SPATS2L: variants seen among roughly 807,000 people sequenced by gnomAD.
The protein encoded by SPATS2L is SPATS2-like protein.
A neutral mutation model predicts 59.6 loss-of-function variants in SPATS2L; 30 were observed. The observed-to-expected ratio is 0.50, with a 90% CI of 0.38 to 0.68. SPATS2L has a LOEUF of 0.68. SPATS2L is among the 30% of genes least tolerant of loss of function. SPATS2L has a pLI of 0.00. For missense variants in SPATS2L, 615 were observed against 700.0 expected (o/e 0.88, Z 1.37); for synonymous variants, 252 against 263.5 (o/e 0.96, Z 0.42).
At chr2:200,409,237 T>G (rs1163601809) in intron 3 of SPATS2L, among the ~76,000 whole-genome samples, 1 of 152,242 alleles carries the variant, frequency 6.6e-6, no homozygotes, top group Non-Finnish European at 1.5e-5. Context: ...ATTGATCCAT[T>G]CCTTCCAGGA....
Position 200,306,934 on chromosome 2 carries a change from A to ACC in SPATS2L, c.-73+16_-73+17dup. On this transcript the variant is annotated intron_variant, in intron 1 of 12. Coordinates refer to ENST00000409140, the MANE Select transcript of SPATS2L (RefSeq NM_001100423.2). ...CGCTCGACACAGAGGTAAGCCCAGG[A>ACC]CCCCCTCCACGCCGGGCCGGCTGGG... 1 of 981,338 alleles carries ACC rather than the reference A, an allele frequency of 1.0e-6. No individual in the cohort carries two copies. The highest frequency in any genetic ancestry group is 1.2e-6 in the Non-Finnish European group (1 of 828,528). The allele number at this position is 981,338 out of a possible 1,614,324, so 60.8% of individuals were successfully genotyped here.
chr2:200,384,862 A>G lies in SPATS2L; in HGVS notation c.-22-4361A>G, dbSNP rs111554655. On this transcript the variant is annotated intron_variant, in intron 2 of 12. Transcript: ENST00000409140. ...AAATCTAAATTGCAATTTTTAGGAAAAAAGTTTTAAAAAATGTCTAAGCTA... is the reference window on the plus strand; with the variant it reads ...AAATCTAAATTGCAATTTTTAGGAAGAAAGTTTTAAAAAATGTCTAAGCTA... 5.9e-3 allele frequency among the ~76,000 whole-genome samples: 902 copies of G among 152,328 alleles called. 4 individuals are homozygous for G. Among genetic ancestry groups the G allele is most frequent in the Non-Finnish European group, 9.4e-3 (638 of 68,024 alleles).
At chr2:200,454,003 C>A (rs902748664) in intron 8 of SPATS2L, among the ~76,000 whole-genome samples, 4 of 152,110 alleles carry the variant, frequency 2.6e-5, no homozygotes, top group African/African-American at 9.7e-5. Context: ...TCCCCATGCT[C>A]CCATTCTGCA....
At chr2:200,358,921 A>G (rs1229972395) in intron 2 of SPATS2L, among the ~76,000 whole-genome samples, 1 of 152,038 alleles carries the variant, frequency 6.6e-6, no homozygotes, top group East Asian at 1.9e-4. Flanking sequence ...CAGGAGTTCA[A>G]AGTTGCAGTG....
intron 2 of SPATS2L, among the ~76,000 whole-genome samples, chr2:200,360,646 G>T (rs1234413809): frequency 2.6e-5 from 4 of 152,198 alleles, no homozygotes; most frequent in African/African-American, 9.7e-5. Context: ...GGGGAAGCAG[G>T]TGGCAGGTGG....
chr2:200,380,056 A>G (rs1392724963), intron 2 of SPATS2L, among the ~76,000 whole-genome samples: 1 of 152,178 alleles, frequency 6.6e-6, no homozygotes, highest in East Asian at 1.9e-4. Flanking sequence ...TTCTCAAGCC[A>G]GCAGAGACCT....
At chr2:200,387,826 T>C (rs374383870) in intron 2 of SPATS2L, among the ~76,000 whole-genome samples, 95 of 152,350 alleles carry the variant, frequency 6.2e-4, no homozygotes, top group African/African-American at 2.3e-3. Context: ...TCAATCTGTT[T>C]GTGCATTTAA....
chr2:200,378,856 A>G (rs1200607825), intron 2 of SPATS2L, among the ~76,000 whole-genome samples: 1 of 152,214 alleles, frequency 6.6e-6, no homozygotes, highest in Non-Finnish European at 1.5e-5. Context: ...GCAGAACCAC[A>G]ATCCATGTTT....
At chr2:200,435,516 C>G (rs1054078852) in intron 6 of SPATS2L, among the ~76,000 whole-genome samples, 2 of 152,026 alleles carry the variant, frequency 1.3e-5, no homozygotes, top group African/African-American at 4.8e-5. Flanking sequence ...AAACGAGGCT[C>G]CCTACAACTG....
At chr2:200,324,999 A>G (rs2079687420) in intron 1 of SPATS2L, among the ~76,000 whole-genome samples, 1 of 152,200 alleles carries the variant, frequency 6.6e-6, no homozygotes, top group Admixed American at 6.5e-5. Context: ...ACATATATCC[A>G]AGGGCAACAA....
intron 2 of SPATS2L, among the ~76,000 whole-genome samples, chr2:200,387,567 A>G (rs376741720): frequency 6.6e-6 from 1 of 152,256 alleles, no homozygotes; most frequent in African/African-American, 2.4e-5. Context: ...AAAATCAGCA[A>G]TAGATAATGG....
chr2:200,415,418 T>G (rs2083021586), intron 4 of SPATS2L, among the ~76,000 whole-genome samples: 1 of 152,184 alleles, frequency 6.6e-6, no homozygotes. Flanking sequence ...TTTAGAGAGC[T>G]ATTAGTATAT....
chr2:200,329,464 T>C lies in SPATS2L; in HGVS notation c.-39T>C, dbSNP rs1301024688. 2.6e-6 allele frequency: 4 copies of C among 1,550,580 alleles called. No individual in the cohort carries two copies. The South Asian group carries it at 3.6e-5, about 14-fold the overall frequency. On this transcript the variant is annotated 5_prime_UTR_variant, in exon 2 of 13. Transcript: ENST00000409140. ...AGAAACCAGGCTGCTTTCAGGAACATTGCTGTGGATTCCCAGGTGAGTAGA... is the reference window on the plus strand; with the variant it reads ...AGAAACCAGGCTGCTTTCAGGAACACTGCTGTGGATTCCCAGGTGAGTAGA...
chr2:200,419,436 C>T lies in SPATS2L; in HGVS notation c.385C>T (p.Pro129Ser), dbSNP rs1432850321. The T allele has an allele frequency of 1.2e-6, 2 of 1,613,822 alleles. No homozygotes were observed. The highest frequency in any genetic ancestry group is 1.7e-5 in the Admixed American group (1 of 60,004). Residue 129 changes from proline to serine, a missense_variant, in exon 6 of 13, where the codon CCT (proline) becomes TCT (serine). Pro to Ser is a moderately conservative substitution (Grantham distance 74). Coordinates refer to ENST00000409140, the MANE Select transcript of SPATS2L (RefSeq NM_001100423.2). ...DSANEKPALI[P>S]REKKISILEE... ...TGCTAACGAAAAACCAGCCCTTATCCCTCGTGAGAAAAAGATCTCGATACT... is the reference window on the plus strand; with the variant it reads ...TGCTAACGAAAAACCAGCCCTTATCTCTCGTGAGAAAAAGATCTCGATACT...
At chr2:200,407,640 C>T (rs2082733297) in intron 3 of SPATS2L, among the ~76,000 whole-genome samples, 1 of 152,170 alleles carries the variant, frequency 6.6e-6, no homozygotes, top group Non-Finnish European at 1.5e-5. Context: ...CCACAAAATA[C>T]CATGAGTACC....
At chr2:200,329,305 G>A in intron 1 of SPATS2L, 126 bp from the exon 2 acceptor site, 1 of 767,896 alleles carries the variant, frequency 1.3e-6, no homozygotes, top group Non-Finnish European at 2.2e-6. Flanking sequence ...TAAGTCATGG[G>A]TGAGGACGAA....
At chr2:200,307,805 TC>T (rs747782838) in intron 1 of SPATS2L, among the ~76,000 whole-genome samples, 1 of 152,032 alleles carries the variant, frequency 6.6e-6, no homozygotes, top group Non-Finnish European at 1.5e-5. Flanking sequence ...GAGCTTCTCA[TC>T]CCCCCCGCAA....
At chr2:200,451,692 G>C (rs1194725894) in intron 8 of SPATS2L, among the ~76,000 whole-genome samples, 1 of 152,210 alleles carries the variant, frequency 6.6e-6, no homozygotes, top group South Asian at 2.1e-4. Context: ...GGCTGCCTTG[G>C]GTTGAATGTG....
At chr2:200,331,000 A>G (rs1255698501) in intron 2 of SPATS2L, among the ~76,000 whole-genome samples, 2 of 152,198 alleles carry the variant, frequency 1.3e-5, no homozygotes, top group Non-Finnish European at 2.9e-5. Flanking sequence ...GGAATTTTCT[A>G]ATTACAGCTC....
Sources: allele counts gnomAD v4.1 joint callset (sites outside exome capture counted in the v4.1 genomes callset), GRCh38; gene constraint gnomAD v4.1.1; transcripts MANE v1.5; gene names NCBI Gene and HGNC (gene_info 2026-07-23, HGNC 2026-07-21).